The following STARD13 variants were observed in gnomAD, a reference collection of about 807,000 sequenced individuals.
STARD13 encodes StAR related lipid transfer domain containing 13, also known as stAR-related lipid transfer protein 13.
In STARD13, 62 loss-of-function variants were observed where a neutral mutation model predicts 106.4. The ratio of observed to expected loss-of-function variants is 0.58; its 90% CI spans 0.48 to 0.72. The LOEUF (loss-of-function observed/expected upper bound fraction) is 0.72. STARD13 is among the 30% of genes least tolerant of loss of function. The pLI, the probability that STARD13 is intolerant of heterozygous loss-of-function variation, is 0.00. For missense variants in STARD13, 1,387 were observed against 1,424.0 expected, an observed-to-expected ratio of 0.97 and a Z score of 0.42; for synonymous variants, 565 against 553.0, an observed-to-expected ratio of 1.02 and a Z score of -0.31.
the STARD13 span, among the ~76,000 whole-genome samples, chr13:33,672,560 T>C: frequency 6.6e-6 from 1 of 152,200 alleles, no homozygotes; most frequent in African/African-American, 2.4e-5. Context: ...TAAAAAATCC[T>C]TAGCTTATCC....
chr13:33,436,949 C>T, the STARD13 span, among the ~76,000 whole-genome samples: 3 of 152,198 alleles, frequency 2.0e-5, no homozygotes, highest in Non-Finnish European at 4.4e-5. Flanking sequence ...CTATACGTCA[C>T]ATTCCGCCTT....
At position 33,203,112 on chromosome 13, in the gene STARD13, T is replaced by C. The variant is rs73459246; in HGVS notation, c.170-35490A>G. Among the ~76,000 whole-genome samples the C allele has an allele frequency of 8.3e-3, 1,259 of 152,260 alleles. 19 individuals are homozygous for C. The highest frequency in any genetic ancestry group is 0.029 in the African/African-American group (1,209 of 41,540). Reference sequence around the variant, plus strand: ...GCTACAGTAAGGCACACATTCTGATTCCCACAATGCAGCGGAAGAGCACAG... The same window carrying C: ...GCTACAGTAAGGCACACATTCTGATCCCCACAATGCAGCGGAAGAGCACAG... On this transcript the variant is annotated intron_variant, in intron 1 of 13. Transcript: ENST00000336934.
intron 1 of STARD13, among the ~76,000 whole-genome samples, chr13:33,224,942 C>G (rs546850585): frequency 2.6e-5 from 4 of 152,088 alleles, no homozygotes; most frequent in Non-Finnish European, 5.9e-5. Flanking sequence ...GAACAAATGA[C>G]AGTAAAACCT....
At chr13:33,488,532 G>A in the STARD13 span, among the ~76,000 whole-genome samples, 9 of 151,956 alleles carry the variant, frequency 5.9e-5, no homozygotes, top group South Asian at 4.2e-4. Context: ...ATTGCCCCTC[G>A]AGAATAGAAT....
In STARD13 at chr13:33,235,873, C is replaced by T. The variant is rs145388205; in HGVS notation, c.169+49597G>A. On this transcript the variant is annotated intron_variant, in intron 1 of 13. Coordinates refer to ENST00000336934, the MANE Select transcript of STARD13 (RefSeq NM_178006.4). The stretch of plus-strand genomic sequence containing the variant: ...GAAACATTGCATTAGCAGCTTATGT[C>T]CTAAGAGCAGCAGGTGTGCTTGGGC... 3.7e-3 allele frequency among the ~76,000 whole-genome samples: 570 copies of T among 152,334 alleles called. 1 individual carries two copies. The highest frequency in any genetic ancestry group is 6.3e-3 in the Non-Finnish European group (430 of 68,036).
At chr13:33,432,249 A>G in the STARD13 span, among the ~76,000 whole-genome samples, 1 of 152,188 alleles carries the variant, frequency 6.6e-6, no homozygotes. Flanking sequence ...TTCTAATATA[A>G]TTTTGGAATC....
At chr13:33,353,954 C>A (rs2078103343), upstream of STARD13, among the ~76,000 whole-genome samples, 1 of 152,354 alleles carries the variant, frequency 6.6e-6, no homozygotes, top group South Asian at 2.1e-4. Flanking sequence ...TCAGTAAATA[C>A]TTGCAGAGTA....
At chr13:33,397,734 A>C in the STARD13 span, among the ~76,000 whole-genome samples, 1 of 152,182 alleles carries the variant, frequency 6.6e-6, no homozygotes, top group African/African-American at 2.4e-5. Context: ...TGCTGTAATA[A>C]AATGCCATAG....
At chr13:33,448,459 G>T in the STARD13 span, among the ~76,000 whole-genome samples, 1 of 152,102 alleles carries the variant, frequency 6.6e-6, no homozygotes, top group Non-Finnish European at 1.5e-5. Context: ...TGGCTGAATA[G>T]TATTCCATTG....
the STARD13 span, among the ~76,000 whole-genome samples, chr13:33,418,075 A>G: frequency 1.4e-5 from 2 of 142,930 alleles, no homozygotes; most frequent in Admixed American, 6.7e-5. Context: ...GGTTCATCTC[A>G]TTGGTACTGG....
At chr13:33,133,733 T>C (rs541479463) in intron 4 of STARD13, among the ~76,000 whole-genome samples, 11 of 152,340 alleles carry the variant, frequency 7.2e-5, no homozygotes, top group African/African-American at 2.2e-4. Flanking sequence ...TTTAGCCTAT[T>C]TTATTTTTTT....
intron 4 of STARD13, among the ~76,000 whole-genome samples, chr13:33,132,519 C>G (rs1021087999): frequency 5.9e-5 from 9 of 152,192 alleles, no homozygotes; most frequent in African/African-American, 2.2e-4. Context: ...CCTCTTTTTA[C>G]TTATAAATAA....
At chr13:33,448,242 T>G in the STARD13 span, among the ~76,000 whole-genome samples, 2 of 152,122 alleles carry the variant, frequency 1.3e-5, no homozygotes, top group Admixed American at 6.5e-5. Flanking sequence ...GATACATTAT[T>G]GTTAATTCTC....
intron 7 of STARD13, among the ~76,000 whole-genome samples, chr13:33,118,879 C>G (rs1429878533): frequency 6.6e-6 from 1 of 152,160 alleles, no homozygotes; most frequent in African/African-American, 2.4e-5. Context: ...CTTTGGAATT[C>G]TTGGCACTTA....
chr13:33,369,785 T>A, the STARD13 span, among the ~76,000 whole-genome samples: 4 of 152,206 alleles, frequency 2.6e-5, no homozygotes, highest in Non-Finnish European at 5.9e-5. Context: ...TACTTATCAT[T>A]AATGGAATAG....
the STARD13 span, among the ~76,000 whole-genome samples, chr13:33,386,511 T>C: frequency 6.6e-6 from 1 of 152,094 alleles, no homozygotes; most frequent in African/African-American, 2.4e-5. Context: ...GGGTGTGTGG[T>C]GGCCTCCCCC....
intron 1 of STARD13, among the ~76,000 whole-genome samples, chr13:33,270,706 T>C (rs1891116973): frequency 6.6e-6 from 1 of 152,180 alleles, no homozygotes; most frequent in Non-Finnish European, 1.5e-5. Context: ...ACATAAGTGT[T>C]CTACTTAAGG....
At chr13:33,359,601 G>A in the STARD13 span, 2 of 154,382 alleles carry the variant, frequency 1.3e-5, no homozygotes, top group African/African-American at 2.4e-5. Flanking sequence ...GAAGGCAGAA[G>A]TTGCAGTAAG....
At chr13:33,580,661 G>T in the STARD13 span, among the ~76,000 whole-genome samples, 1 of 152,042 alleles carries the variant, frequency 6.6e-6, no homozygotes, top group South Asian at 2.1e-4. Context: ...AGTAAGAGAA[G>T]GGTATATAGG....
Sources: gnomAD v4.1 joint callset for allele counts (sites outside exome capture counted in the v4.1 genomes callset) on GRCh38, gnomAD v4.1.1 for gene constraint, MANE v1.5 for transcripts, NCBI Gene and HGNC (gene_info 2026-07-23, HGNC 2026-07-21) for gene names.